Variants in LDLRAD3 observed in about 807,000 individuals in gnomAD.
The protein encoded by LDLRAD3 is low-density lipoprotein receptor class A domain-containing protein 3.
LDLRAD3 carries 20 observed loss-of-function variants against 29.4 expected under a neutral mutation model. That is an observed-to-expected ratio of 0.68 (90% CI 0.48 to 0.99). The LOEUF (loss-of-function observed/expected upper bound fraction) is 0.99, where lower values mean the gene tolerates loss of function less well. LDLRAD3 is among the 50% of genes least tolerant of loss of function. LDLRAD3 has a pLI of 0.00. For synonymous variants in LDLRAD3, 157 were observed against 192.7 expected (o/e 0.81, Z 1.53); for missense variants, 420 against 454.3 (o/e 0.92, Z 0.69).
chr11:36,148,215 A>G (rs1854226139), intron 4 of LDLRAD3, among the ~76,000 whole-genome samples: 2 of 152,158 alleles, frequency 1.3e-5, no homozygotes, highest in Admixed American at 1.3e-4. Flanking sequence ...TAAATGTTAT[A>G]TATCTAGCAT....
At position 36,230,086 on chromosome 11, in the gene LDLRAD3, C is replaced by T. The variant is rs1159397187; in HGVS notation, c.*689C>T. ...TGCTCATTCTGAGAGCTTTCCTCAGCAGCATATATCATCAGCCTCATCCTA... is the reference window on the plus strand; with the variant it reads ...TGCTCATTCTGAGAGCTTTCCTCAGTAGCATATATCATCAGCCTCATCCTA... On this transcript the variant is annotated 3_prime_UTR_variant, in exon 6 of 6. Transcript: ENST00000315571. The T allele has an allele frequency of 2.0e-5, 3 of 152,244 alleles. No individual in the cohort carries two copies. Among genetic ancestry groups the T allele is most frequent in the South Asian group, 2.1e-4 (1 of 4,830 alleles). The allele number at this position is 152,244 out of a possible 1,614,324, so 9.4% of individuals were successfully genotyped here.
intron 1 of LDLRAD3, among the ~76,000 whole-genome samples, chr11:35,971,003 GCCAGGCCTGTGGGTCATCAAGGAC>G (rs1422126561): frequency 2.0e-5 from 3 of 151,818 alleles, no homozygotes; most frequent in African/African-American, 7.3e-5. Flanking sequence ...CTGGTGCTCA[GCCAGGCCTGTGGGTCATCAAGGAC>G]CCAGCCCATT....
chr11:36,182,458 C>G (rs891512104), intron 4 of LDLRAD3, among the ~76,000 whole-genome samples: 3 of 152,178 alleles, frequency 2.0e-5, no homozygotes, highest in African/African-American at 7.2e-5. Flanking sequence ...CTTTGAGTGA[C>G]CTTCAGAATT....
At chr11:35,952,461 A>G (rs1321594677) in intron 1 of LDLRAD3, among the ~76,000 whole-genome samples, 1 of 152,238 alleles carries the variant, frequency 6.6e-6, no homozygotes, top group Non-Finnish European at 1.5e-5. Context: ...TCTTTGGCAG[A>G]TAGAAACTGC....
At chr11:36,180,732 T>A (rs1182924793) in intron 4 of LDLRAD3, among the ~76,000 whole-genome samples, 2 of 151,740 alleles carry the variant, frequency 1.3e-5, no homozygotes, top group African/African-American at 2.4e-5. Context: ...GATGGGAGAC[T>A]CTGGCTGTAA....
chr11:36,149,678 A>G (rs1030985783), intron 4 of LDLRAD3, among the ~76,000 whole-genome samples: 3 of 152,168 alleles, frequency 2.0e-5, no homozygotes, highest in Admixed American at 2.0e-4. Flanking sequence ...GTGTCCTGCC[A>G]CGTTTGTCTC....
chr11:36,203,594 T>A (rs979156793), intron 4 of LDLRAD3, among the ~76,000 whole-genome samples: 1 of 152,042 alleles, frequency 6.6e-6, no homozygotes, highest in Non-Finnish European at 1.5e-5. Flanking sequence ...GGAGTGCGAG[T>A]GTTGGACATC....
At chr11:36,225,158 T>C (rs1855482311) in intron 4 of LDLRAD3, among the ~76,000 whole-genome samples, 1 of 152,206 alleles carries the variant, frequency 6.6e-6, no homozygotes, top group African/African-American at 2.4e-5. Flanking sequence ...CTGTAGTCGC[T>C]GCCACTGCTG....
At chr11:35,951,429 T>A (rs1172908779) in intron 1 of LDLRAD3, among the ~76,000 whole-genome samples, 1 of 152,206 alleles carries the variant, frequency 6.6e-6, no homozygotes, top group African/African-American at 2.4e-5. Context: ...TCTCCTGTTG[T>A]TTAGACATTT....
At chr11:35,951,081 C>CA (rs1456994271) in intron 1 of LDLRAD3, among the ~76,000 whole-genome samples, 1 of 151,294 alleles carries the variant, frequency 6.6e-6, no homozygotes, top group Non-Finnish European at 1.5e-5. Context: ...GACTCTGTCT[C>CA]AAAAAATAAA....
intron 1 of LDLRAD3, among the ~76,000 whole-genome samples, chr11:36,024,689 G>A (rs947195021): frequency 3.9e-5 from 6 of 152,210 alleles, no homozygotes; most frequent in Non-Finnish European, 8.8e-5. Context: ...TTTTGACTGT[G>A]CTCTGTGCCT....
At chr11:35,979,535 T>C (rs1408625647) in intron 1 of LDLRAD3, among the ~76,000 whole-genome samples, 2 of 152,200 alleles carry the variant, frequency 1.3e-5, no homozygotes, top group Non-Finnish European at 2.9e-5. Flanking sequence ...GCTTAGTCCT[T>C]GCTATACAGG....
At chr11:36,118,757 C>T (rs1853711122) in intron 4 of LDLRAD3, among the ~76,000 whole-genome samples, 1 of 152,092 alleles carries the variant, frequency 6.6e-6, no homozygotes, top group Admixed American at 6.6e-5. Context: ...CATAGTTAGA[C>T]AGCCATCCCC....
At position 35,977,933 on chromosome 11, in the gene LDLRAD3, C is replaced by T. The variant is rs73448432; in HGVS notation, c.46+33789C>T. ...CATAAGAATTTTGGAGGTACACAGA[C>T]GCTCAGACCATAGCAGTGCCTTCAG... On this transcript the variant is annotated intron_variant, in intron 1 of 5. Transcript: ENST00000315571. Among the ~76,000 whole-genome samples the T allele has an allele frequency of 7.9e-5, 12 of 152,286 alleles. 1 individual carries two copies. The highest frequency in any genetic ancestry group is 2.2e-4 in the African/African-American group (9 of 41,564).
intron 4 of LDLRAD3, among the ~76,000 whole-genome samples, chr11:36,130,119 A>G (rs1853903637): frequency 1.3e-5 from 2 of 152,338 alleles, no homozygotes; most frequent in Admixed American, 6.5e-5. Flanking sequence ...AGTTCACTGA[A>G]GAGTTGAGAG....
At position 36,150,784 on chromosome 11, in the gene LDLRAD3, G is replaced by GGAAA. The variant is rs55925459; in HGVS notation, c.454+52338_454+52341dup. 5.9e-3 allele frequency among the ~76,000 whole-genome samples: 889 copies of GGAAA among 151,468 alleles called. 3 individuals are homozygous for GGAAA. Among genetic ancestry groups the GGAAA allele is most frequent in the Non-Finnish European group, 0.01 (685 of 67,842 alleles). Reference sequence around the variant, plus strand: ...AAATAAATAAATAAAAAATTAAAAAGGAAAGAAAGAAAGAAAGATCCCTTG... The same window carrying GGAAA: ...AAATAAATAAATAAAAAATTAAAAAGGAAAGAAAGAAAGAAAGAAAGATCCCTTG... On this transcript the variant is annotated intron_variant, in intron 4 of 5. Transcript: ENST00000315571.
chr11:36,138,173 A>T (rs1854029770), intron 4 of LDLRAD3, among the ~76,000 whole-genome samples: 1 of 152,214 alleles, frequency 6.6e-6, no homozygotes, highest in Admixed American at 6.5e-5. Flanking sequence ...TGGGCTCTGG[A>T]TTCAGAGAGA....
At chr11:35,961,089 G>A (rs1365749067) in intron 1 of LDLRAD3, among the ~76,000 whole-genome samples, 8 of 152,222 alleles carry the variant, frequency 5.3e-5, no homozygotes, top group Non-Finnish European at 8.8e-5. Flanking sequence ...TGGACCGTAG[G>A]ACTGGGTGAT....
chr11:36,183,963 CT>C (rs547281058), intron 4 of LDLRAD3: 18,166 of 219,916 alleles, frequency 0.083, 36 homozygotes, highest in South Asian at 0.15. Context: ...TATATTTCAT[CT>C]TTTTTTTTTT....
Sources: gnomAD v4.1 joint callset for allele counts (sites outside exome capture counted in the v4.1 genomes callset) on GRCh38, gnomAD v4.1.1 for gene constraint, MANE v1.5 for transcripts, NCBI Gene and HGNC (gene_info 2026-07-23, HGNC 2026-07-21) for gene names.